The following RIMS2 variants were observed in gnomAD, a reference collection of about 807,000 sequenced individuals.
The protein encoded by RIMS2 is regulating synaptic membrane exocytosis 2.
In RIMS2, 59 loss-of-function variants were observed where a neutral mutation model predicts 174.4. That is an observed-to-expected ratio of 0.34 (90% CI 0.27 to 0.42). The LOEUF is 0.42. Ranked by LOEUF, RIMS2 falls within the 10% of genes least tolerant of loss-of-function variation. The pLI is 1.00. For synonymous variants in RIMS2, 606 were observed against 572.5 expected, an observed-to-expected ratio of 1.06 and a Z score of -0.84; for missense variants, 1,620 against 1,666.3, an observed-to-expected ratio of 0.97 and a Z score of 0.48.
In RIMS2 at chr8:104,112,359, T is replaced by A. The variant is rs1363097470; in HGVS notation, c.3334+97744T>A. Among the ~76,000 whole-genome samples the A allele has an allele frequency of 2.0e-5, 3 of 152,118 alleles. No homozygotes were observed. The South Asian group carries it at 6.2e-4, about 31-fold the overall frequency. On this transcript the variant is annotated intron_variant, in intron 19 of 23. Coordinates refer to ENST00000504942, the Ensembl canonical transcript of RIMS2. ...GGGTGCTTTTCTGGCTAAAAACTGA[T>A]TTTATAGCTCATGCATATGTAATAT...
At chr8:103,989,126 C>T (rs2094536841) in intron 16 of RIMS2, among the ~76,000 whole-genome samples, 179 bp from the exon 19 acceptor site, 1 of 152,184 alleles carries the variant, frequency 6.6e-6, no homozygotes, top group Non-Finnish European at 1.5e-5. Context: ...AGTAATCTTA[C>T]TTAACTGTCA....
intron 19 of RIMS2, among the ~76,000 whole-genome samples, chr8:104,144,045 CAATA>C (rs993676274): frequency 1.3e-5 from 2 of 152,046 alleles, no homozygotes; most frequent in African/African-American, 4.8e-5. Flanking sequence ...TCACATCTTC[CAATA>C]ATCCCTATAT....
intron 22 of RIMS2, 53 bp from the exon 29 acceptor site, chr8:104,250,971 C>T: frequency 1.1e-5 from 17 of 1,526,274 alleles, no homozygotes; most frequent in Non-Finnish European, 1.5e-5. Flanking sequence ...GTGCGTCGGC[C>T]ATTTCATGTC....
chr8:103,919,894 ATAT>A (rs2077277894), intron 9 of RIMS2, among the ~76,000 whole-genome samples: 2 of 152,010 alleles, frequency 1.3e-5, no homozygotes, highest in East Asian at 1.9e-4. Flanking sequence ...TTATAAAATG[ATAT>A]TATCATCATT....
At chr8:103,589,749 A>G (rs756882957) in intron 1 of RIMS2, among the ~76,000 whole-genome samples, 6 of 151,624 alleles carry the variant, frequency 4.0e-5, no homozygotes, top group Non-Finnish European at 7.4e-5. Context: ...CTATTGAGTC[A>G]TAAAAAAGAA....
intron 19 of RIMS2, among the ~76,000 whole-genome samples, chr8:104,235,285 T>C (rs1563921862): frequency 6.6e-6 from 1 of 152,172 alleles, no homozygotes; most frequent in South Asian, 2.1e-4. Flanking sequence ...AAGCCCAGCA[T>C]GCTTTGAGAA....
chr8:103,923,401 C>T (rs1290092145), intron 10 of RIMS2, among the ~76,000 whole-genome samples: 2 of 151,706 alleles, frequency 1.3e-5, no homozygotes, highest in Non-Finnish European at 3.0e-5. Context: ...ATCCCAAGGT[C>T]TTATTACAGA....
intron 3 of RIMS2, among the ~76,000 whole-genome samples, chr8:103,832,228 T>G (rs2154479976): frequency 6.6e-6 from 1 of 152,306 alleles, no homozygotes; most frequent in Admixed American, 6.5e-5. Context: ...ACTTTGACAA[T>G]TTTTGCCTTT....
chr8:103,767,477 G>T (rs143339673), intron 3 of RIMS2, among the ~76,000 whole-genome samples: 85 of 152,172 alleles, frequency 5.6e-4, no homozygotes, highest in African/African-American at 2.0e-3. Context: ...GAGCCACCGT[G>T]CCCGGCCTAT....
chr8:104,095,945 A>G (rs181770352), intron 19 of RIMS2, among the ~76,000 whole-genome samples: 3 of 152,266 alleles, frequency 2.0e-5, no homozygotes, highest in East Asian at 1.9e-4. Flanking sequence ...TTTGTGCTCT[A>G]TGAAAGTTTC....
intron 19 of RIMS2, among the ~76,000 whole-genome samples, chr8:104,133,611 T>C (rs1376316339): frequency 6.6e-6 from 1 of 152,172 alleles, no homozygotes; most frequent in African/African-American, 2.4e-5. Flanking sequence ...TCAAGTGGCT[T>C]CTATGTGGAG....
intron 19 of RIMS2, among the ~76,000 whole-genome samples, chr8:104,145,126 T>A (rs1446759637): frequency 3.3e-5 from 5 of 151,406 alleles, no homozygotes; most frequent in Non-Finnish European, 7.3e-5. Flanking sequence ...TGTCTTATTT[T>A]GTTTTGTTTT....
At chr8:103,961,450 T>C (rs537095216) in intron 15 of RIMS2, among the ~76,000 whole-genome samples, 10 of 152,264 alleles carry the variant, frequency 6.6e-5, no homozygotes, top group Admixed American at 3.9e-4. Context: ...TGCACTAATA[T>C]GGTGGAAAAA....
chr8:103,709,491 G>C (rs1044492992), intron 2 of RIMS2, among the ~76,000 whole-genome samples: 1 of 151,934 alleles, frequency 6.6e-6, no homozygotes, highest in Non-Finnish European at 1.5e-5. Context: ...GAAACAGTTT[G>C]ATACTTTTAC....
intron 1 of RIMS2, 60 bp downstream of exon 3, chr8:103,652,770 G>A: frequency 9.5e-7 from 1 of 1,050,400 alleles, no homozygotes; most frequent in Non-Finnish European, 1.3e-6. Context: ...ATACTGAAAA[G>A]TATGTGTTAA....
intron 1 of RIMS2, among the ~76,000 whole-genome samples, chr8:103,600,781 C>T (rs2094698728): frequency 6.6e-6 from 1 of 152,164 alleles, no homozygotes; most frequent in African/African-American, 2.4e-5. Flanking sequence ...AAACTGTTCT[C>T]CATAGTGGTT....
chr8:104,226,290 CT>C (rs1199898713), intron 19 of RIMS2, among the ~76,000 whole-genome samples: 1 of 152,084 alleles, frequency 6.6e-6, no homozygotes, highest in African/African-American at 2.4e-5. Flanking sequence ...AAGCTAGTCT[CT>C]TTTTTTTATT....
At chr8:103,649,870 C>T (rs1589695419) in intron 1 of RIMS2, among the ~76,000 whole-genome samples, 1 of 152,194 alleles carries the variant, frequency 6.6e-6, no homozygotes, top group Non-Finnish European at 1.5e-5. Flanking sequence ...ACCACATGCT[C>T]CTTTATCTCA....
chr8:103,812,079 A>G (rs1035267154), intron 3 of RIMS2, among the ~76,000 whole-genome samples: 4 of 152,204 alleles, frequency 2.6e-5, no homozygotes, highest in African/African-American at 9.6e-5. Context: ...ATGTTTTTGT[A>G]CATCAGAAAA....
Sources: allele counts gnomAD v4.1 joint callset (sites outside exome capture counted in the v4.1 genomes callset), GRCh38; gene constraint gnomAD v4.1.1; transcripts MANE v1.5; gene names NCBI Gene and HGNC (gene_info 2026-07-23, HGNC 2026-07-21).